Variants in OXR1 observed in about 807,000 individuals in gnomAD.
OXR1 encodes oxidation resistance 1, also known as oxidation resistance protein 1.
OXR1 carries 41 observed loss-of-function variants against 104.6 expected under a neutral mutation model. That is an observed-to-expected ratio of 0.39 (90% CI 0.31 to 0.51). The LOEUF (loss-of-function observed/expected upper bound fraction) is 0.51, where lower values mean the gene tolerates loss of function less well. Ranked by LOEUF, OXR1 falls within the 20% of genes least tolerant of loss-of-function variation. The pLI, the probability that OXR1 is intolerant of heterozygous loss-of-function variation, is 0.77. For synonymous variants in OXR1, 348 were observed against 348.4 expected, an observed-to-expected ratio of 1.00 and a Z score of 0.01; for missense variants, 955 against 1,031.9, an observed-to-expected ratio of 0.93 and a Z score of 1.02.
chr8:106,501,458 T>C (rs1281483287), intron 2 of OXR1, among the ~76,000 whole-genome samples: 1 of 152,190 alleles, frequency 6.6e-6, no homozygotes, highest in African/African-American at 2.4e-5. Context: ...GAGAAGCCAA[T>C]GGAGTGACGG....
At chr8:106,544,639 G>GA (rs940211432) in intron 3 of OXR1, among the ~76,000 whole-genome samples, 2 of 152,082 alleles carry the variant, frequency 1.3e-5, no homozygotes, top group Middle Eastern at 3.4e-3. Flanking sequence ...AAAAATAATG[G>GA]AAAAAAATAT....
intron 3 of OXR1, among the ~76,000 whole-genome samples, chr8:106,645,109 T>C (rs1823966510): frequency 6.6e-6 from 1 of 152,114 alleles, no homozygotes; most frequent in Admixed American, 6.5e-5. Context: ...ACATAATGTA[T>C]AGGCTCTAAT....
At chr8:106,311,376 CTAAT>C (rs368363683) in intron 1 of OXR1, among the ~76,000 whole-genome samples, 1 of 152,218 alleles carries the variant, frequency 6.6e-6, no homozygotes, top group African/African-American at 2.4e-5. Context: ...GATTTAAAAG[CTAAT>C]TAGATAACTG....
chr8:106,425,596 T>G (rs746769996), intron 2 of OXR1, among the ~76,000 whole-genome samples: 5 of 152,174 alleles, frequency 3.3e-5, no homozygotes, highest in African/African-American at 4.8e-5. Flanking sequence ...GGACACACCA[T>G]CTGCAGTACC....
chr8:106,277,908 T>G (rs987359716), intron 1 of OXR1, among the ~76,000 whole-genome samples: 2 of 152,174 alleles, frequency 1.3e-5, no homozygotes, highest in Admixed American at 6.5e-5. Flanking sequence ...AAAGGTGGAA[T>G]ATACTGGTTG....
At chr8:106,339,628 A>G (rs1050732846) in intron 1 of OXR1, among the ~76,000 whole-genome samples, 45 of 148,994 alleles carry the variant, frequency 3.0e-4, no homozygotes, top group African/African-American at 1.1e-3. Flanking sequence ...ATTTAGATAT[A>G]CATATTTAAT....
At position 106,461,606 on chromosome 8, in the gene OXR1, A is replaced by G. The variant is rs576838855; in HGVS notation, c.24-57337A>G. ...ATAAAGGAATTTTGGAGAGGAATCA[A>G]GCATTGGGAATGCAGTTTAAATACA... On this transcript the variant is annotated intron_variant, in intron 2 of 16. Coordinates refer to ENST00000517566, the MANE Select transcript of OXR1 (RefSeq NM_001198533.2). 2.6e-5 allele frequency among the ~76,000 whole-genome samples: 4 copies of G among 152,232 alleles called. No individual in the cohort carries two copies. In the South Asian group the frequency reaches 8.3e-4, roughly 32 times the overall value.
chr8:106,477,228 A>G (rs1821854836), intron 2 of OXR1, among the ~76,000 whole-genome samples: 3 of 152,006 alleles, frequency 2.0e-5, no homozygotes, highest in Admixed American at 6.6e-5. Flanking sequence ...AAAGTACACT[A>G]GAACCATGAG....
chr8:106,595,570 A>G (rs956218292), intron 3 of OXR1, among the ~76,000 whole-genome samples: 3 of 150,662 alleles, frequency 2.0e-5, no homozygotes, highest in Non-Finnish European at 3.0e-5. Flanking sequence ...AAAAAAAAAA[A>G]GAAAAGAAAA....
chr8:106,419,636 T>G (rs2130531591), intron 2 of OXR1, among the ~76,000 whole-genome samples: 1 of 152,318 alleles, frequency 6.6e-6, no homozygotes, highest in Admixed American at 6.5e-5. Flanking sequence ...CCCAGCTCTG[T>G]GTTCCTCTGG....
At chr8:106,285,875 C>CTT (rs1489936174) in intron 1 of OXR1, among the ~76,000 whole-genome samples, 1 of 152,188 alleles carries the variant, frequency 6.6e-6, no homozygotes, top group Non-Finnish European at 1.5e-5. Flanking sequence ...GAATGTGTGT[C>CTT]TTTATGCATC....
intron 3 of OXR1, among the ~76,000 whole-genome samples, chr8:106,530,452 G>A (rs1276477785): frequency 2.6e-5 from 4 of 152,136 alleles, no homozygotes; most frequent in South Asian, 2.1e-4. Context: ...TAACCGTACC[G>A]AGTCAAGATA....
chr8:106,342,234 T>C lies in OXR1; in HGVS notation c.-138-17242T>C, dbSNP rs4577928. ...GGAATTTTCTTGCTTCTTTTTCTTT[T>C]CTTTTCTTTTCTTTTTTCTTTTTTT... On this transcript the variant is annotated intron_variant, in intron 1 of 16. Coordinates refer to ENST00000517566, the MANE Select transcript of OXR1 (RefSeq NM_001198533.2). Among the ~76,000 whole-genome samples, 1,032 of 150,472 alleles carry C rather than the reference T, an allele frequency of 6.9e-3. 5 individuals carry two copies. Among genetic ancestry groups the C allele is most frequent in the African/African-American group, 0.023 (924 of 41,002 alleles).
chr8:106,586,645 A>G (rs1432063814), intron 3 of OXR1, among the ~76,000 whole-genome samples: 1 of 152,224 alleles, frequency 6.6e-6, no homozygotes, highest in Non-Finnish European at 1.5e-5. Flanking sequence ...GAGAAAGCAT[A>G]GATAGATGAT....
At chr8:106,416,299 C>T (rs935490505) in intron 2 of OXR1, among the ~76,000 whole-genome samples, 1 of 151,956 alleles carries the variant, frequency 6.6e-6, no homozygotes, top group Non-Finnish European at 1.5e-5. Context: ...TCTGGTTTAA[C>T]ACAAAAAATC....
intron 2 of OXR1, among the ~76,000 whole-genome samples, chr8:106,495,179 T>C (rs1331102953): frequency 6.6e-6 from 1 of 151,828 alleles, no homozygotes; most frequent in East Asian, 1.9e-4. Flanking sequence ...TTATATATTG[T>C]TTACATAATC....
At chr8:106,530,285 A>G (rs1813997484) in intron 3 of OXR1, among the ~76,000 whole-genome samples, 1 of 151,982 alleles carries the variant, frequency 6.6e-6, no homozygotes, top group Non-Finnish European at 1.5e-5. Context: ...ACCTAAGGAT[A>G]TATATTTTCT....
At chr8:106,723,043 C>CTA (rs1453805329) in intron 11 of OXR1, among the ~76,000 whole-genome samples, 2 of 152,204 alleles carry the variant, frequency 1.3e-5, no homozygotes, top group East Asian at 3.9e-4. Flanking sequence ...AAGTTATGAG[C>CTA]TATAACATTT....
intron 3 of OXR1, among the ~76,000 whole-genome samples, chr8:106,678,247 C>T (rs572848594): frequency 6.6e-6 from 1 of 152,052 alleles, no homozygotes; most frequent in Admixed American, 6.6e-5. Context: ...ATTAGGTCAA[C>T]ATAAACTCTT....
Sources: gnomAD v4.1 joint callset for allele counts (sites outside exome capture counted in the v4.1 genomes callset) on GRCh38, gnomAD v4.1.1 for gene constraint, MANE v1.5 for transcripts, NCBI Gene and HGNC (gene_info 2026-07-23, HGNC 2026-07-21) for gene names.